The following TOX variants were observed in gnomAD, a reference collection of about 807,000 sequenced individuals.
TOX encodes the protein thymocyte selection-associated high mobility group box protein TOX.
Under a neutral mutation model 53.7 loss-of-function variants are expected in TOX, and 11 were observed. The observed-to-expected ratio is 0.20, with a 90% CI of 0.13 to 0.34. The LOEUF (loss-of-function observed/expected upper bound fraction) is 0.34. Ranked by LOEUF, TOX falls within the 10% of genes least tolerant of loss-of-function variation. The probability of loss-of-function intolerance (pLI) is 1.00; values close to 1 mark genes in which losing one functional copy is unlikely to be tolerated. For synonymous variants in TOX, 225 were observed against 245.3 expected, an observed-to-expected ratio of 0.92 and a Z score of 0.77; for missense variants, 570 against 664.6, an observed-to-expected ratio of 0.86 and a Z score of 1.56.
chr8:58,815,548 C>G lies in TOX; in HGVS notation c.1182G>C (p.Arg394Ser), dbSNP rs1810160732. Reference sequence around the variant, plus strand: ...GGTTATTCGGCTTGGGGGCTATGTTCCTGGGGAGACTAGGATGCATGGCAG... The same window carrying G: ...GGTTATTCGGCTTGGGGGCTATGTTGCTGGGGAGACTAGGATGCATGGCAG... ...HLTAMHPSLP[R>S]NIAPKPNNQM... Residue 394 changes from arginine (R) to serine (S), a missense_variant, in exon 7 of 9, where the codon AGG becomes AGC. Physicochemically the swap from Arg to Ser is moderately radical, Grantham distance 110. Transcript: ENST00000361421. The G allele has an allele frequency of 6.2e-7, 1 of 1,614,028 alleles. No homozygotes were observed. Among genetic ancestry groups the G allele is most frequent in the Non-Finnish European group, 8.5e-7 (1 of 1,180,008 alleles).
intron 1 of TOX, among the ~76,000 whole-genome samples, chr8:59,025,525 C>T (rs936339170): frequency 6.6e-6 from 1 of 152,032 alleles, no homozygotes; most frequent in Admixed American, 6.6e-5. Context: ...AAAGGGATCC[C>T]AACCTACACT....
Position 58,826,863 on chromosome 8 carries a change from G to A in TOX, c.964C>T (p.Leu322=). ...KKTEAAKKEY[L]KQLAAYRASL... is the part of the protein sequence containing the mutation. ...GCTCTGTATGCTGCGAGTTGCTTCA[G>A]GTACTCCTTCTTCGCAGCCTCGGTT... The change falls in exon 6 of 9, where the codon CTG becomes TTG. Residue 322 remains leucine (L), a synonymous_variant. Transcript: ENST00000361421. The A allele has an allele frequency of 6.2e-7, 1 of 1,612,336 alleles. No homozygotes were observed. Among genetic ancestry groups the A allele is most frequent in the Non-Finnish European group, 8.5e-7 (1 of 1,179,280 alleles).
intron 3 of TOX, among the ~76,000 whole-genome samples, chr8:58,891,442 C>T (rs1811560221): frequency 6.6e-6 from 1 of 151,974 alleles, no homozygotes; most frequent in Non-Finnish European, 1.5e-5. Context: ...TGTGTTCAGC[C>T]CTATGTGATG....
At chr8:58,891,666 ACT>A (rs2129171944) in intron 3 of TOX, among the ~76,000 whole-genome samples, 2 of 152,268 alleles carry the variant, frequency 1.3e-5, no homozygotes, top group African/African-American at 4.8e-5. Flanking sequence ...CTGTTAGATA[ACT>A]CTGATTTCTT....
Position 59,067,929 on chromosome 8 carries a change from T to C in TOX, c.102+50957A>G, listed in dbSNP as rs192691031. Among the ~76,000 whole-genome samples, 333 of 152,310 alleles carry C rather than the reference T, an allele frequency of 2.2e-3. 2 individuals are homozygous for C. Among genetic ancestry groups the C allele is most frequent in the African/African-American group, 7.1e-3 (296 of 41,562 alleles). On this transcript the variant is annotated intron_variant, in intron 1 of 8. Coordinates refer to ENST00000361421, the MANE Select transcript of TOX (RefSeq NM_014729.3). ...CCATTTCTGATGTGAAAAGGTATAA[T>C]TGTAGTAATTACTAACAGATAAAAT... is the stretch of plus-strand genomic sequence containing the variant.
chr8:58,914,585 G>T (rs996753959), intron 3 of TOX, among the ~76,000 whole-genome samples: 2 of 152,114 alleles, frequency 1.3e-5, no homozygotes, highest in Non-Finnish European at 2.9e-5. Context: ...ATGGGGAGAG[G>T]CCAGAACTGT....
chr8:58,977,357 T>C (rs576879661), intron 1 of TOX, among the ~76,000 whole-genome samples: 11 of 152,380 alleles, frequency 7.2e-5, no homozygotes, highest in Non-Finnish European at 2.9e-5. Context: ...AGGTAAGGCC[T>C]TGCTCTGGAT....
In TOX at chr8:59,070,322, A is replaced by T. The variant is rs78151226; in HGVS notation, c.102+48564T>A. Among the ~76,000 whole-genome samples the T allele has an allele frequency of 7.1e-3, 1,081 of 152,288 alleles. 10 individuals carry two copies. The highest frequency in any genetic ancestry group is 0.024 in the African/African-American group (988 of 41,546). On this transcript the variant is annotated intron_variant, in intron 1 of 8. Transcript: ENST00000361421. The stretch of plus-strand genomic sequence containing the variant: ...GTGACAAACTAGAGTTGAATTTCTC[A>T]ACTAAGGCTTTAACAACTAACACAC...
At chr8:59,017,648 C>A (rs1032470001) in intron 1 of TOX, among the ~76,000 whole-genome samples, 1 of 152,196 alleles carries the variant, frequency 6.6e-6, no homozygotes. Flanking sequence ...AGAACAATTA[C>A]GTTGAATATG....
chr8:58,858,926 A>G (rs140809031), intron 3 of TOX, among the ~76,000 whole-genome samples: 1 of 152,210 alleles, frequency 6.6e-6, no homozygotes, highest in Non-Finnish European at 1.5e-5. Flanking sequence ...GTAAATGTTG[A>G]TATTATTTAA....
intron 3 of TOX, among the ~76,000 whole-genome samples, chr8:58,885,536 G>A (rs1220833554): frequency 6.6e-6 from 1 of 152,098 alleles, no homozygotes; most frequent in Non-Finnish European, 1.5e-5. Context: ...GGTATCTAAA[G>A]AGTTTTGCTA....
At chr8:59,101,226 T>C (rs1337397395) in intron 1 of TOX, among the ~76,000 whole-genome samples, 1 of 152,250 alleles carries the variant, frequency 6.6e-6, no homozygotes, top group African/African-American at 2.4e-5. Context: ...AATAGGGTTA[T>C]GTGTATCACA....
chr8:59,107,054 G>GC (rs1804924698), intron 1 of TOX, among the ~76,000 whole-genome samples: 2 of 128,158 alleles, frequency 1.6e-5, no homozygotes, highest in South Asian at 2.7e-4. Context: ...GCTGGGGGGG[G>GC]GGGGAACGTG....
At chr8:58,827,389 T>A (rs543708425) in intron 5 of TOX, among the ~76,000 whole-genome samples, 14 of 151,132 alleles carry the variant, frequency 9.3e-5, no homozygotes, top group African/African-American at 3.2e-4. Flanking sequence ...GAAGGGAGAG[T>A]GCAGGTTCAT....
chr8:58,815,827 T>C lies in TOX; in HGVS notation c.1006-103A>G, dbSNP rs1810166999. 4 of 1,272,292 alleles carry C rather than the reference T, an allele frequency of 3.1e-6. No individual in the cohort carries two copies. The South Asian group carries it at 6.1e-5, about 19-fold the overall frequency. The allele number at this position is 1,272,292 out of a possible 1,614,324, so 78.8% of individuals were successfully genotyped here. On this transcript the variant is annotated intron_variant, in intron 6 of 8. Transcript: ENST00000361421. The stretch of plus-strand genomic sequence containing the variant: ...ATTAAAGCACCTTCCCTGGAATCCA[T>C]ACCCATGACTATCCCGGACTCTCTG...
intron 3 of TOX, among the ~76,000 whole-genome samples, chr8:58,904,368 G>T (rs1185148052): frequency 1.3e-5 from 2 of 152,078 alleles, no homozygotes; most frequent in African/African-American, 4.8e-5. Flanking sequence ...TTTCCAGTGG[G>T]GGTAAAATAA....
rs371382286 is a variant in TOX at position 59,119,038 on chromosome 8, G to C, written c.-51C>G. 882 of 1,357,362 alleles carry C rather than the reference G, an allele frequency of 6.5e-4. No individual in the cohort carries two copies. Among genetic ancestry groups the C allele is most frequent in the Non-Finnish European group, 8.6e-4 (824 of 963,660 alleles). 84.1% of individuals were successfully genotyped at this position (1,357,362 alleles called of 1,614,324 possible). A position where few individuals can be genotyped will look rare whatever the true frequency, so the allele number is the denominator to read the frequency against. ...TTTCTTTTTCCTTTTTTAAAAAAAA[G>C]TGTTCAGCAAAACAAGCTTAGACGG... On this transcript the variant is annotated 5_prime_UTR_variant, in exon 1 of 9. Coordinates refer to ENST00000361421, the MANE Select transcript of TOX (RefSeq NM_014729.3).
intron 1 of TOX, among the ~76,000 whole-genome samples, chr8:59,081,367 A>G (rs1804405141): frequency 6.6e-6 from 1 of 152,148 alleles, no homozygotes; most frequent in Non-Finnish European, 1.5e-5. Flanking sequence ...TTCTGTGTAT[A>G]AAGGGAGTTT....
At chr8:58,810,564 G>A (rs1810060639) in intron 7 of TOX, among the ~76,000 whole-genome samples, 1 of 151,740 alleles carries the variant, frequency 6.6e-6, no homozygotes, top group Non-Finnish European at 1.5e-5. Context: ...TATTTCCCAG[G>A]CTCATTTCCA....
Sources: gnomAD v4.1 joint callset for allele counts (sites outside exome capture counted in the v4.1 genomes callset) on GRCh38, gnomAD v4.1.1 for gene constraint, MANE v1.5 for transcripts, NCBI Gene and HGNC (gene_info 2026-07-23, HGNC 2026-07-21) for gene names.